Variants in CADM2 observed in about 807,000 individuals in gnomAD.
The protein encoded by CADM2 is immunoglobulin superfamily member 4D.
A neutral mutation model predicts 49.8 loss-of-function variants in CADM2; 12 were observed. The observed-to-expected ratio is 0.24, with a 90% CI of 0.15 to 0.39. CADM2 has a LOEUF of 0.39. Ranked by LOEUF, CADM2 falls within the 10% of genes least tolerant of loss-of-function variation. The probability of loss-of-function intolerance (pLI) is 1.00; values close to 1 mark genes in which losing one functional copy is unlikely to be tolerated. For missense variants in CADM2, 378 were observed against 492.3 expected (o/e 0.77, Z 2.20); for synonymous variants, 214 against 175.4 (o/e 1.22, Z -1.74).
At chr3:85,738,083 C>T (rs1460011962) in intron 2 of CADM2, among the ~76,000 whole-genome samples, 1 of 152,112 alleles carries the variant, frequency 6.6e-6, no homozygotes. Context: ...TACCTTACAC[C>T]TCAGCCAGAA....
At chr3:85,460,504 C>A (rs544795767) in intron 1 of CADM2, among the ~76,000 whole-genome samples, 7 of 152,152 alleles carry the variant, frequency 4.6e-5, no homozygotes, top group African/African-American at 1.7e-4. Flanking sequence ...GCAGGGAAAC[C>A]TTAAGTTTTT....
chr3:85,852,982 G>GTCA (rs879390231), intron 3 of CADM2, among the ~76,000 whole-genome samples: 11 of 151,998 alleles, frequency 7.2e-5, no homozygotes, highest in Non-Finnish European at 1.0e-4. Context: ...TAAAATGTAT[G>GTCA]TTTAAATATT....
intron 1 of CADM2, among the ~76,000 whole-genome samples, chr3:85,628,297 A>G (rs1319305209): frequency 1.3e-5 from 2 of 151,952 alleles, no homozygotes; most frequent in African/African-American, 2.4e-5. Context: ...TCATGTTGGT[A>G]TATCAATCAA....
intron 7 of CADM2, among the ~76,000 whole-genome samples, chr3:85,958,820 T>A (rs183654386): frequency 4.3e-4 from 66 of 152,014 alleles, no homozygotes; most frequent in Admixed American, 2.4e-3. Context: ...ACACTTCATG[T>A]TCTCACTCAT....
intron 1 of CADM2, among the ~76,000 whole-genome samples, chr3:85,649,862 C>T (rs1434695940): frequency 6.6e-6 from 1 of 152,022 alleles, no homozygotes; most frequent in Non-Finnish European, 1.5e-5. Context: ...GGTTGTATCA[C>T]ATTATATGAA....
chr3:85,631,734 A>T (rs2064314587), intron 1 of CADM2, among the ~76,000 whole-genome samples: 2 of 152,214 alleles, frequency 1.3e-5, no homozygotes, highest in African/African-American at 2.4e-5. Flanking sequence ...ATTTTAAAAA[A>T]TTTAATATAT....
intron 1 of CADM2, among the ~76,000 whole-genome samples, chr3:85,311,021 C>T (rs1038942708): frequency 3.3e-5 from 5 of 152,192 alleles, no homozygotes; most frequent in South Asian, 2.1e-4. Context: ...CACTGCCAGA[C>T]ATCAGGCAGA....
intron 8 of CADM2, among the ~76,000 whole-genome samples, chr3:85,982,002 A>G (rs1463163767): frequency 6.6e-6 from 1 of 151,718 alleles, no homozygotes; most frequent in Non-Finnish European, 1.5e-5. Flanking sequence ...TTTCTCTGCA[A>G]ACTTGCCTGC....
intron 1 of CADM2, among the ~76,000 whole-genome samples, chr3:85,051,906 G>T (rs2035896708): frequency 6.6e-6 from 1 of 152,138 alleles, no homozygotes; most frequent in Admixed American, 6.6e-5. Context: ...TATTGCAAAT[G>T]AAGGGATTTT....
At chr3:85,924,590 TAAAA>T (rs1483016245) in intron 6 of CADM2, among the ~76,000 whole-genome samples, 1 of 78,202 alleles carries the variant, frequency 1.3e-5, no homozygotes, top group Non-Finnish European at 2.4e-5. Flanking sequence ...AAACAACATC[TAAAA>T]ATAAATAAAT....
rs190514000 is a variant in CADM2 at position 85,898,303 on chromosome 3, A to C, written c.529+11976A>C. ...TAAATTTATTAAGATATAATTGACA[A>C]AAATCAATATATAGATATTTAAATT... On this transcript the variant is annotated intron_variant, in intron 5 of 9. Transcript: ENST00000383699. Among the ~76,000 whole-genome samples, 1,070 of 152,214 alleles carry C rather than the reference A, an allele frequency of 7.0e-3. 21 individuals carry two copies. The South Asian group carries it at 0.075, about 11-fold the overall frequency.
chr3:85,573,469 G>A (rs956096792), intron 1 of CADM2, among the ~76,000 whole-genome samples: 1 of 151,976 alleles, frequency 6.6e-6, no homozygotes, highest in African/African-American at 2.4e-5. Flanking sequence ...GGCATTATAG[G>A]GGCATTATAG....
intron 1 of CADM2, among the ~76,000 whole-genome samples, chr3:85,685,244 G>A (rs1333861116): frequency 6.6e-6 from 1 of 152,146 alleles, no homozygotes; most frequent in African/African-American, 2.4e-5. Flanking sequence ...AAAAGATAGG[G>A]TAAGTGTGTC....
chr3:85,557,918 A>T (rs575256061), intron 1 of CADM2, among the ~76,000 whole-genome samples: 2 of 152,200 alleles, frequency 1.3e-5, no homozygotes, highest in African/African-American at 4.8e-5. Flanking sequence ...TTTCATGCTT[A>T]AACAATAGAC....
intron 6 of CADM2, among the ~76,000 whole-genome samples, chr3:85,918,879 G>T (rs1306947150): frequency 6.6e-6 from 1 of 151,928 alleles, no homozygotes; most frequent in Non-Finnish European, 1.5e-5. Context: ...AGAACATATT[G>T]TATGAGTCAG....
intron 1 of CADM2, among the ~76,000 whole-genome samples, chr3:85,460,798 G>A (rs1178866304): frequency 6.6e-6 from 1 of 151,572 alleles, no homozygotes; most frequent in African/African-American, 2.4e-5. Context: ...TCCCTTGAAA[G>A]GTAGGTGAGG....
intron 1 of CADM2, among the ~76,000 whole-genome samples, chr3:85,305,533 A>G (rs1184445156): frequency 2.6e-5 from 4 of 151,740 alleles, no homozygotes; most frequent in African/African-American, 4.8e-5. Context: ...ACTAAATTAT[A>G]ATGGAAATAG....
intron 8 of CADM2, among the ~76,000 whole-genome samples, chr3:86,034,270 T>C (rs1017393444): frequency 1.1e-4 from 17 of 151,974 alleles, no homozygotes; most frequent in African/African-American, 3.9e-4. Flanking sequence ...TGTGTTCCCA[T>C]AAAAATTTAT....
At position 85,898,953 on chromosome 3, in the gene CADM2, A is replaced by T. The variant is rs1357540202; in HGVS notation, c.529+12626A>T. ...ATTTATTGTGTATATATATATATAT[A>T]TATTTTTTTTTTTTTTTTTTTTTTT... On this transcript the variant is annotated intron_variant, in intron 5 of 9. Coordinates refer to ENST00000383699, the MANE Select transcript of CADM2 (RefSeq NM_001167675.2). 3.9e-3 allele frequency among the ~76,000 whole-genome samples: 167 copies of T among 42,794 alleles called. 1 individual carries two copies. Among genetic ancestry groups the T allele is most frequent in the African/African-American group, 0.016 (160 of 10,088 alleles). 28.1% of individuals were successfully genotyped at this position (42,794 alleles called of 152,430 possible).
Sources: allele counts gnomAD v4.1 joint callset (sites outside exome capture counted in the v4.1 genomes callset), GRCh38; gene constraint gnomAD v4.1.1; transcripts MANE v1.5; gene names NCBI Gene and HGNC (gene_info 2026-07-23, HGNC 2026-07-21).